The following AP1S3 variants were observed in gnomAD, a reference collection of about 807,000 sequenced individuals.
The protein encoded by AP1S3 is AP-1 complex subunit sigma-3.
A neutral mutation model predicts 20.9 loss-of-function variants in AP1S3; 10 were observed. The ratio of observed to expected loss-of-function variants is 0.48; its 90% confidence interval spans 0.29 to 0.81. The LOEUF (loss-of-function observed/expected upper bound fraction) is 0.81. Ranked by LOEUF, AP1S3 falls within the 30% of genes least tolerant of loss-of-function variation. The probability of loss-of-function intolerance (pLI) is 0.08; values close to 1 mark genes in which losing one functional copy is unlikely to be tolerated. For missense variants in AP1S3, 154 were observed against 183.8 expected, an observed-to-expected ratio of 0.84 and a Z score of 0.94; for synonymous variants, 41 against 61.5, an observed-to-expected ratio of 0.67 and a Z score of 1.56.
intron 1 of AP1S3, among the ~76,000 whole-genome samples, chr2:223,804,286 A>G (rs1327937117): frequency 6.6e-6 from 1 of 152,190 alleles, no homozygotes; most frequent in Non-Finnish European, 1.5e-5. Flanking sequence ...CAACCTGGGG[A>G]TGTACCCACT....
chr2:223,828,058 T>TAAAAAAAAAAAAA (rs527671959), intron 1 of AP1S3, among the ~76,000 whole-genome samples: 7 of 94,650 alleles, frequency 7.4e-5, no homozygotes, highest in Non-Finnish European at 9.0e-5. Flanking sequence ...AGACTTCATC[T>TAAAAAAAAAAAAA]AAAAAAAAAA....
At chr2:223,764,652 G>C (rs1363781910) in intron 4 of AP1S3, among the ~76,000 whole-genome samples, 2 of 152,100 alleles carry the variant, frequency 1.3e-5, no homozygotes, top group African/African-American at 4.8e-5. Flanking sequence ...AAAGGTGTAA[G>C]AAATTTTAAT....
At chr2:223,826,517 C>T (rs1368610297) in intron 1 of AP1S3, among the ~76,000 whole-genome samples, 2 of 152,084 alleles carry the variant, frequency 1.3e-5, no homozygotes, top group African/African-American at 2.4e-5. Flanking sequence ...CGCTTGAACC[C>T]GGGAGGCAGG....
At chr2:223,802,309 T>A (rs1247576790) in intron 1 of AP1S3, among the ~76,000 whole-genome samples, 3 of 150,138 alleles carry the variant, frequency 2.0e-5, no homozygotes, top group Non-Finnish European at 3.0e-5. Context: ...TTTATTTTAT[T>A]TTTTTTTTTT....
chr2:223,776,080 A>G, intron 2 of AP1S3, 71 bp from the exon 3 acceptor site: 1 of 1,175,128 alleles, frequency 8.5e-7, no homozygotes, highest in Non-Finnish European at 1.2e-6. Flanking sequence ...TTTTCCCACG[A>G]ATATGCAGTC....
At chr2:223,815,524 C>G (rs1386943133) in intron 1 of AP1S3, among the ~76,000 whole-genome samples, 3 of 152,176 alleles carry the variant, frequency 2.0e-5, no homozygotes, top group African/African-American at 7.2e-5. Context: ...GCGGTACTAA[C>G]CAACCTAAAA....
At chr2:223,828,001 G>A (rs1263111355) in intron 1 of AP1S3, among the ~76,000 whole-genome samples, 2 of 138,614 alleles carry the variant, frequency 1.4e-5, no homozygotes, top group Non-Finnish European at 3.0e-5. Flanking sequence ...AGAGGTTGCA[G>A]TGAGCCAAGA....
At chr2:223,773,410 G>A in intron 3 of AP1S3, 1 of 1,270,726 alleles carries the variant, frequency 7.9e-7, no homozygotes, top group Non-Finnish European at 1.0e-6. Context: ...ATAGTAGAAA[G>A]TATTAAATAA....
Position 223,756,880 on chromosome 2 carries a change from A to G in AP1S3, c.*1835T>C, listed in dbSNP as rs1690234394. On this transcript the variant is annotated 3_prime_UTR_variant, in exon 5 of 5. Transcript: ENST00000396654. ...TCTAGGAAATCACTGGAGGTCCCAA[A>G]CCACTCTAATATGAATGATACCAGA... 1 of 985,460 alleles carries G rather than the reference A, an allele frequency of 1.0e-6. No homozygotes were observed. The highest frequency in any genetic ancestry group is 1.2e-6 in the Non-Finnish European group (1 of 829,944). The allele number at this position is 985,460 out of a possible 1,614,324, so 61.0% of individuals were successfully genotyped here.
At chr2:223,776,853 T>G (rs192059223) in intron 2 of AP1S3, among the ~76,000 whole-genome samples, 28 of 152,308 alleles carry the variant, frequency 1.8e-4, no homozygotes, top group Admixed American at 8.5e-4. Context: ...ACTCAATTAC[T>G]GTGACTGGGA....
chr2:223,831,418 G>A (rs1392875083), intron 1 of AP1S3, among the ~76,000 whole-genome samples: 2 of 152,222 alleles, frequency 1.3e-5, no homozygotes, highest in African/African-American at 4.8e-5. Context: ...ACAGGCGTGA[G>A]CCACCGTGCC....
chr2:223,818,979 T>C (rs1180940207), intron 1 of AP1S3, among the ~76,000 whole-genome samples: 1 of 152,222 alleles, frequency 6.6e-6, no homozygotes, highest in Admixed American at 6.5e-5. Flanking sequence ...CTATTTTAAT[T>C]GCCAATAAAG....
At chr2:223,778,334 C>T (rs1004767626) in intron 1 of AP1S3, among the ~76,000 whole-genome samples, 1 of 152,034 alleles carries the variant, frequency 6.6e-6, no homozygotes, top group African/African-American at 2.4e-5. Flanking sequence ...CCATGTTGGC[C>T]AGGCTGGTCT....
chr2:223,818,427 A>AAT (rs1691908445), intron 1 of AP1S3, among the ~76,000 whole-genome samples: 1 of 151,962 alleles, frequency 6.6e-6, no homozygotes, highest in South Asian at 2.1e-4. Flanking sequence ...CATCTCAAAA[A>AAT]AAAAAAATGT....
At chr2:223,831,390 TC>T (rs1692253897) in intron 1 of AP1S3, among the ~76,000 whole-genome samples, 1 of 152,198 alleles carries the variant, frequency 6.6e-6, no homozygotes. Flanking sequence ...CACCTTGGCC[TC>T]CCAAAGTGTT....
At chr2:223,785,973 G>A (rs1044864753) in intron 1 of AP1S3, among the ~76,000 whole-genome samples, 17 of 152,190 alleles carry the variant, frequency 1.1e-4, no homozygotes, top group Non-Finnish European at 2.5e-4. Context: ...TTACAGAGAG[G>A]AGTCAGTATA....
chr2:223,792,067 T>C (rs899618025), intron 1 of AP1S3, among the ~76,000 whole-genome samples: 8 of 152,182 alleles, frequency 5.3e-5, no homozygotes, highest in African/African-American at 1.9e-4. Context: ...AAAATGACCA[T>C]ATTGCACAAA....
intron 1 of AP1S3, among the ~76,000 whole-genome samples, chr2:223,837,235 C>CGCCGCGTT (rs1397672642): frequency 1.3e-5 from 2 of 151,514 alleles, no homozygotes; most frequent in African/African-American, 2.4e-5. Flanking sequence ...GGCGCCGCGG[C>CGCCGCGTT]GCCGCGTTGC....
intron 1 of AP1S3, among the ~76,000 whole-genome samples, chr2:223,820,668 G>GAAAAAAAA: frequency 8.5e-6 from 1 of 118,224 alleles, no homozygotes; most frequent in Non-Finnish European, 1.7e-5. Flanking sequence ...CAAACTAGGA[G>GAAAAAAAA]AAAAAAAAAA....
Sources: gnomAD v4.1 joint callset for allele counts (sites outside exome capture counted in the v4.1 genomes callset) on GRCh38, gnomAD v4.1.1 for gene constraint, MANE v1.5 for transcripts, NCBI Gene and HGNC (gene_info 2026-07-23, HGNC 2026-07-21) for gene names.